ARHGEF2: variants seen among roughly 807,000 people sequenced by gnomAD.
ARHGEF2 encodes Rho/Rac guanine nucleotide exchange factor 2, also known as rho guanine nucleotide exchange factor 2.
ARHGEF2 carries 22 observed loss-of-function variants against 121.0 expected under a neutral mutation model. The ratio of observed to expected loss-of-function variants is 0.18; its 90% CI spans 0.13 to 0.26. ARHGEF2 has a LOEUF of 0.26. ARHGEF2 is among the 10% of genes least tolerant of loss of function. ARHGEF2 has a pLI of 1.00. For missense variants in ARHGEF2, 907 were observed against 1,336.0 expected, an observed-to-expected ratio of 0.68 and a Z score of 5.01; for synonymous variants, 487 against 530.0, an observed-to-expected ratio of 0.92 and a Z score of 1.11.
At chr1:155,968,792 CCCCCCACCCCA>C (rs1470782476) in intron 2 of ARHGEF2, 1 of 185,204 alleles carries the variant, frequency 5.4e-6, no homozygotes, top group Non-Finnish European at 1.1e-5. Context: ...TCCTCTGTCA[CCCCCCACCCCA>C]CCCCCTCCAC....
intron 2 of ARHGEF2, 55 bp downstream of exon 2, chr1:155,969,101 G>C (rs1329023615): frequency 1.2e-6 from 2 of 1,600,678 alleles, no homozygotes; most frequent in Non-Finnish European, 1.7e-6. Flanking sequence ...CAGATGAAAA[G>C]ATCAGGGTCA....
Position 155,965,676 on chromosome 1 carries a change from G to A in ARHGEF2, c.425C>T (p.Ser142Phe). 1 of 1,610,308 alleles carries A rather than the reference G, an allele frequency of 6.2e-7. No individual in the cohort carries two copies. The highest frequency in any genetic ancestry group is 8.5e-7 in the Non-Finnish European group (1 of 1,179,192). ...AACACTCTTGGCTAAAGACAAGGAGGAGCGGCCACGGCGGGAGCCCAGGAG... is the reference window on the plus strand; with the variant it reads ...AACACTCTTGGCTAAAGACAAGGAGAAGCGGCCACGGCGGGAGCCCAGGAG... ...QSLLGSRRGR[S>F]SLSLAKSVST... is the part of the protein sequence containing the mutation. The change falls in exon 5 of 22, where the codon TCC (serine) becomes TTC (phenylalanine). Residue 142 changes from serine (S) to phenylalanine (F), a missense_variant. Ser to Phe is a radical substitution (Grantham distance 155). Transcript: ENST00000361247. This position sits in a 1 kb window ranked among gnomAD's most constrained non-coding sequence, Gnocchi z 6.0.
intron 13 of ARHGEF2, among the ~76,000 whole-genome samples, chr1:155,956,337 G>C (rs1676669665): frequency 6.6e-6 from 1 of 151,802 alleles, no homozygotes; most frequent in Non-Finnish European, 1.5e-5. Context: ...GACCTCAAGT[G>C]ATCTACCCGC....
Position 155,961,970 on chromosome 1 carries a change from A to G in ARHGEF2, c.1220-61T>C. 1.2e-6 allele frequency: 2 copies of G among 1,607,104 alleles called. No homozygotes were observed. Among genetic ancestry groups the G allele is most frequent in the East Asian group, 2.2e-5 (1 of 44,726 alleles). Reference sequence around the variant, plus strand: ...CAGTTTCACTCACACCCCAGTTCCCATCGTGTCTTGATTCCACCTTTAGAG... The same window carrying G: ...CAGTTTCACTCACACCCCAGTTCCCGTCGTGTCTTGATTCCACCTTTAGAG... On this transcript the variant is annotated intron_variant, in intron 10 of 21. Transcript: ENST00000361247. The surrounding 1 kb of genome is among the most constrained non-coding windows in gnomAD (Gnocchi z 4.7).
chr1:155,957,565 T>C (rs370919639), intron 13 of ARHGEF2, 148 bp downstream of exon 13: 23 of 868,940 alleles, frequency 2.6e-5, no homozygotes, highest in East Asian at 2.3e-4. Context: ...AGGTGACCTT[T>C]CCAGTCTTGG....
chr1:155,978,210 T>TGCCCC lies in ARHGEF2; in HGVS notation c.63+154_63+155insGGGGC. ...CCCACCCCTACCCACTCGCTCGCAG[T>TGCCCC]CCCCACCCACCCCGTCCCGCCGCTC... On this transcript the variant is annotated intron_variant, in intron 1 of 21. Transcript: ENST00000361247. The surrounding 1 kb of genome is among the most constrained non-coding windows in gnomAD (Gnocchi z 4.1). 1 of 1,295,512 alleles carries TGCCCC rather than the reference T, an allele frequency of 7.7e-7. No homozygotes were observed. The highest frequency in any genetic ancestry group is 9.9e-7 in the Non-Finnish European group (1 of 1,008,884). 80.3% of individuals were successfully genotyped at this position (1,295,512 alleles called of 1,614,324 possible).
upstream of ARHGEF2, chr1:155,978,978 C>G (rs745908630): frequency 4.1e-6 from 4 of 985,612 alleles, no homozygotes; most frequent in Non-Finnish European, 4.8e-6. This position sits in a 1 kb window ranked among gnomAD's most constrained non-coding sequence, Gnocchi z 4.1. Context: ...AAACCCAGGA[C>G]CAGTTCCTTC....
Position 155,965,016 on chromosome 1 carries a change from C to T in ARHGEF2, c.696G>A (p.Glu232=), listed in dbSNP as rs1367778593. The T allele has an allele frequency of 7.4e-6, 12 of 1,614,006 alleles. No homozygotes were observed. The highest frequency in any genetic ancestry group is 1.0e-5 in the Non-Finnish European group (12 of 1,180,028). ...DSSFLQQHKK[E]VMKQQDVIYE... ...AGATGACATCTTGCTGCTTCATCAC[C>T]TCCTTTTTATGCTGCTGCAGGAAGC... is the stretch of plus-strand genomic sequence containing the variant. Residue 232 remains glutamate, a synonymous_variant, in exon 7 of 22, where the codon GAG becomes GAA. Coordinates refer to ENST00000361247, the MANE Select transcript of ARHGEF2 (RefSeq NM_001162383.2). This position sits in a 1 kb window ranked among gnomAD's most constrained non-coding sequence, Gnocchi z 6.0.
intron 13 of ARHGEF2, among the ~76,000 whole-genome samples, chr1:155,956,545 G>T (rs1676704781): frequency 1.3e-5 from 2 of 152,110 alleles, no homozygotes; most frequent in Admixed American, 1.3e-4. Flanking sequence ...TCTTGGCTGG[G>T]CATGGTGGCT....
At chr1:155,966,799 C>G in intron 3 of ARHGEF2, 21 bp downstream of exon 3, 1 of 1,599,590 alleles carries the variant, frequency 6.3e-7, no homozygotes, top group African/African-American at 1.3e-5. Context: ...CCCCAGCCCT[C>G]TGCCCTCCCT....
At chr1:155,975,538 CA>C (rs1038150440) in intron 1 of ARHGEF2, among the ~76,000 whole-genome samples, 7 of 152,068 alleles carry the variant, frequency 4.6e-5, no homozygotes, top group Non-Finnish European at 7.4e-5. Flanking sequence ...TCTATGTCCC[CA>C]GAAGCCTCAG....
rs901434700 is a variant in ARHGEF2, at chr1:155,950,321, C to T, written c.2865G>A (p.Leu955=). The part of the protein sequence containing the change: ...TGSEEEGSSR[L]SPPHSPRDFT... ...CACCTCGTGGACTGTGGGGCGGAGACAGACGGCTGCTACCTTCCTCCTCGC... is the reference window on the plus strand; with the variant it reads ...CACCTCGTGGACTGTGGGGCGGAGATAGACGGCTGCTACCTTCCTCCTCGC... Residue 955 remains leucine, a synonymous_variant, in exon 21 of 22, where the codon CTG becomes CTA. Transcript: ENST00000361247. This position sits in a 1 kb window ranked among gnomAD's most constrained non-coding sequence, Gnocchi z 5.2. 2 of 1,613,288 alleles carry T rather than the reference C, an allele frequency of 1.2e-6. No individual in the cohort carries two copies. The highest frequency in any genetic ancestry group is 4.5e-5 in the East Asian group (2 of 44,888).
At chr1:155,969,113 T>G (rs773846990) in intron 2 of ARHGEF2, 43 bp downstream of exon 2, 2 of 1,610,102 alleles carry the variant, frequency 1.2e-6, no homozygotes, top group Admixed American at 3.3e-5. Flanking sequence ...TCAGGGTCAG[T>G]GGGCACCGAG....
intron 1 of ARHGEF2, among the ~76,000 whole-genome samples, chr1:155,974,423 AAGGGCACTG>A (rs1161983038): frequency 4.6e-5 from 7 of 152,104 alleles, no homozygotes; most frequent in African/African-American, 1.7e-4. Flanking sequence ...GTTGGCTATG[AAGGGCACTG>A]AGTCCTGGAG....
chr1:155,978,278 G>A lies in ARHGEF2; in HGVS notation c.63+87C>T. On this transcript the variant is annotated intron_variant, in intron 1 of 21. Coordinates refer to ENST00000361247, the MANE Select transcript of ARHGEF2 (RefSeq NM_001162383.2). The surrounding 1 kb of genome is among the most constrained non-coding windows in gnomAD (Gnocchi z 4.1). ...CCCGATTTTGGCGCCCAGAAAGCAG[G>A]CGGGGAGACAGGAGATGCACCGCGG... 2 of 1,372,772 alleles carry A rather than the reference G, an allele frequency of 1.5e-6. No homozygotes were observed. Among genetic ancestry groups the A allele is most frequent in the Non-Finnish European group, 1.9e-6 (2 of 1,040,576 alleles). 85.0% of individuals were successfully genotyped at this position (1,372,772 alleles called of 1,614,324 possible). A position where few individuals can be genotyped will look rare whatever the true frequency, so the allele number is the denominator to read the frequency against.
At chr1:155,974,141 C>T (rs1161873200) in intron 1 of ARHGEF2, among the ~76,000 whole-genome samples, 1 of 152,128 alleles carries the variant, frequency 6.6e-6, no homozygotes, top group African/African-American at 2.4e-5. Flanking sequence ...CTGCCTTGGT[C>T]TTCCAAAATG....
intron 1 of ARHGEF2, chr1:155,970,022 TTAAG>T: frequency 1.0e-6 from 1 of 985,366 alleles, no homozygotes; most frequent in Non-Finnish European, 1.2e-6. Flanking sequence ...TCTGGGATCT[TTAAG>T]TAAGGAAGCT....
At chr1:155,956,864 C>T (rs1222016348) in intron 13 of ARHGEF2, among the ~76,000 whole-genome samples, 3 of 147,408 alleles carry the variant, frequency 2.0e-5, no homozygotes, top group Admixed American at 6.8e-5. Flanking sequence ...GCTGAGGCAG[C>T]CCGGCAACAG....
chr1:155,948,159 G>C (rs1473043698), intron 21 of ARHGEF2, 144 bp from the exon 22 acceptor site: 1 of 594,740 alleles, frequency 1.7e-6, no homozygotes, highest in Admixed American at 3.5e-5. Flanking sequence ...TCTTGGGTGA[G>C]AGGAAAACCT....
Sources: allele counts gnomAD v4.1 joint callset (sites outside exome capture counted in the v4.1 genomes callset), GRCh38; gene constraint gnomAD v4.1.1; non-coding constraint Gnocchi (gnomAD v3.1); transcripts MANE v1.5; gene names NCBI Gene and HGNC (gene_info 2026-07-23, HGNC 2026-07-21).